DACH2: variants seen among roughly 807,000 people sequenced by gnomAD.
DACH2 encodes dachshund homolog 2.
Under a neutral mutation model 35.8 loss-of-function variants are expected in DACH2, and 17 were observed. The observed-to-expected ratio is 0.48, with a 90% confidence interval of 0.33 to 0.71. DACH2 has a LOEUF of 0.71. DACH2 is among the 30% of genes least tolerant of loss of function. DACH2 has a pLI of 0.02. For synonymous variants in DACH2, 195 were observed against 177.3 expected (o/e 1.10, Z -0.79); for missense variants, 469 against 472.7 (o/e 0.99, Z 0.07).
intron 2 of DACH2, among the ~76,000 whole-genome samples, chrX:86,472,608 G>T (rs969341413): frequency 8.9e-6 from 1 of 111,740 alleles, no homozygotes; most frequent in East Asian, 2.8e-4. Context: ...CCACTACACT[G>T]CATTTCTTAA....
At chrX:86,233,789 A>T in intron 1 of DACH2, among the ~76,000 whole-genome samples, 1 of 111,544 alleles carries the variant, frequency 9.0e-6, no homozygotes, top group South Asian at 3.8e-4. Context: ...CATGGTGGCA[A>T]CAAGAGAAAA....
rs759891052 is a variant in DACH2, at chrX:86,528,635, A to G, written c.640+14244A>G. On this transcript the variant is annotated intron_variant, in intron 3 of 11. Transcript: ENST00000373125. ...GTATGGCATTTTGTCACAGTATTAA[A>G]GTGAAATTGAAGTTTGAGGTCAAAC... 3.6e-5 allele frequency among the ~76,000 whole-genome samples: 4 copies of G among 112,060 alleles called. No individual in the cohort carries two copies. The South Asian group carries it at 1.1e-3, about 31-fold the overall frequency.
rs755417278 is a variant in DACH2 at position 86,513,268 on chromosome X, C to A, written c.528-1011C>A. On this transcript the variant is annotated intron_variant, in intron 2 of 11. Transcript: ENST00000373125. ...TAAAATTATTTAATATAGTATTTTG[C>A]AGTATTTTGTCAAAACTCATATCAT... Among the ~76,000 whole-genome samples the A allele has an allele frequency of 2.7e-5, 3 of 111,791 alleles. No homozygotes were observed. In the East Asian group the frequency reaches 8.5e-4, roughly 31 times the overall value.
At chrX:86,744,916 A>C (rs1278029175) in intron 7 of DACH2, among the ~76,000 whole-genome samples, 1 of 110,894 alleles carries the variant, frequency 9.0e-6, no homozygotes, top group Non-Finnish European at 1.9e-5. Flanking sequence ...ACTCTACTTT[A>C]CCTGTGTGGA....
chrX:86,695,039 G>T lies in DACH2; in HGVS notation c.791G>T (p.Trp264Leu), dbSNP rs996994077. The T allele has an allele frequency of 3.3e-5, 36 of 1,094,734 alleles. No homozygotes were observed. The highest frequency in any genetic ancestry group is 6.2e-5 in the Admixed American group (2 of 32,239). The allele number at this position is 1,094,734 out of a possible 1,213,427, so 90.2% of individuals were successfully genotyped here. ...NSNTGGSESS[W>L]DKDKMQSPFA... Reference sequence around the variant, plus strand: ...TTTTCAGGTGGAAGTGAATCCTCCTGGGATAAAGATAAGATGCAGTCTCCA... The same window carrying T: ...TTTTCAGGTGGAAGTGAATCCTCCTTGGATAAAGATAAGATGCAGTCTCCA... Residue 264 changes from tryptophan (W) to leucine (L), a missense_variant, in exon 5 of 12, where the codon TGG (tryptophan) becomes TTG (leucine). Trp to Leu is a moderately conservative substitution (Grantham distance 61). Coordinates refer to ENST00000373125, the MANE Select transcript of DACH2 (RefSeq NM_053281.3).
At chrX:86,569,305 G>A (rs1459192870) in intron 3 of DACH2, among the ~76,000 whole-genome samples, 1 of 111,196 alleles carries the variant, frequency 9.0e-6, no homozygotes, top group Admixed American at 9.6e-5. Flanking sequence ...ATGCTGTACG[G>A]ATCTAATAGC....
At chrX:86,654,560 C>G (rs1165165112) in intron 4 of DACH2, among the ~76,000 whole-genome samples, 1 of 110,978 alleles carries the variant, frequency 9.0e-6, no homozygotes, top group East Asian at 2.8e-4. Flanking sequence ...TCTGGGGAAT[C>G]AATGGAAAAT....
intron 2 of DACH2, among the ~76,000 whole-genome samples, chrX:86,413,248 G>GA (rs1343048889): frequency 8.9e-6 from 1 of 112,062 alleles, no homozygotes; most frequent in African/African-American, 3.2e-5. Context: ...TTTGCAGAAG[G>GA]AAAAAGCAAT....
At chrX:86,516,356 T>G (rs375109818) in intron 3 of DACH2, among the ~76,000 whole-genome samples, 101 of 111,589 alleles carry the variant, frequency 9.1e-4, no homozygotes, top group African/African-American at 2.9e-3. Context: ...TAAAATTGCC[T>G]TGAAGCTAAA....
At chrX:86,722,436 ACTCCTGGG>A (rs970698315) in intron 6 of DACH2, among the ~76,000 whole-genome samples, 1 of 110,462 alleles carries the variant, frequency 9.1e-6, no homozygotes, top group Non-Finnish European at 1.9e-5. Flanking sequence ...GCAGCTGCAA[ACTCCTGGG>A]CTCAAGTGAT....
At chrX:86,647,459 T>G (rs2040428813) in intron 3 of DACH2, among the ~76,000 whole-genome samples, 1 of 110,684 alleles carries the variant, frequency 9.0e-6, no homozygotes, top group Non-Finnish European at 1.9e-5. Flanking sequence ...ACTTATATGA[T>G]GAATCTAAAA....
chrX:86,472,670 T>C (rs1369244845), intron 2 of DACH2, among the ~76,000 whole-genome samples: 4 of 112,163 alleles, frequency 3.6e-5, no homozygotes, highest in Non-Finnish European at 1.9e-5. Context: ...CAATAGTTAT[T>C]ATTCTAAAAA....
chrX:86,315,840 CAGAG>C (rs1166125637), intron 1 of DACH2, among the ~76,000 whole-genome samples: 1 of 77,863 alleles, frequency 1.3e-5, no homozygotes, highest in Non-Finnish European at 2.4e-5. Context: ...CACACACACA[CAGAG>C]AGAGAGAGGG....
chrX:86,397,419 A>C (rs1383767702), intron 2 of DACH2, among the ~76,000 whole-genome samples: 3 of 111,515 alleles, frequency 2.7e-5, no homozygotes, highest in Non-Finnish European at 5.6e-5. Context: ...CAGAACTTCC[A>C]ACACTATGGT....
chrX:86,372,087 T>A (rs2035895042), intron 1 of DACH2, among the ~76,000 whole-genome samples: 2 of 111,111 alleles, frequency 1.8e-5, no homozygotes, highest in Admixed American at 1.9e-4. Context: ...TTTTTATCGA[T>A]CTTTTCGAAT....
intron 2 of DACH2, among the ~76,000 whole-genome samples, chrX:86,441,479 CTGTGTGTGTGTGTGTG>C (rs61396163): frequency 1.0e-5 from 1 of 95,440 alleles, no homozygotes; most frequent in Admixed American, 1.2e-4. Context: ...AAGTATTCCA[CTGTGTGTGTGTGTGTG>C]TGTGTGTGTG....
chrX:86,320,949 G>A (rs912355028), intron 1 of DACH2, among the ~76,000 whole-genome samples: 2 of 111,642 alleles, frequency 1.8e-5, no homozygotes, highest in African/African-American at 6.5e-5. Context: ...ATGGTATAAA[G>A]GGTGAGCCAT....
chrX:86,187,118 A>G (rs918723969), intron 1 of DACH2, among the ~76,000 whole-genome samples: 1 of 111,711 alleles, frequency 9.0e-6, no homozygotes, highest in Non-Finnish European at 1.9e-5. Context: ...ATGAAGTATT[A>G]CAGATATATA....
chrX:86,621,553 A>AT (rs1158544198), intron 3 of DACH2, among the ~76,000 whole-genome samples: 1 of 89,209 alleles, frequency 1.1e-5, no homozygotes, highest in Non-Finnish European at 2.2e-5. Context: ...TTTAATAATA[A>AT]AAAAAAAAGA....
Sources: gnomAD v4.1 joint callset for allele counts (sites outside exome capture counted in the v4.1 genomes callset) on GRCh38, gnomAD v4.1.1 for gene constraint, MANE v1.5 for transcripts, NCBI Gene and HGNC (gene_info 2026-07-23, HGNC 2026-07-21) for gene names.